Variants in PSG4 observed in about 807,000 individuals in gnomAD.
PSG4 encodes pregnancy-specific beta-1-glycoprotein 4.
In PSG4, 61 loss-of-function variants were observed where a neutral mutation model predicts 44.3. The ratio of observed to expected loss-of-function variants is 1.38; its 90% CI spans 1.12 to 1.70. The LOEUF (loss-of-function observed/expected upper bound fraction) is 1.70. PSG4 is among the 40% of genes most tolerant of loss of function. The pLI is 0.00. For missense variants in PSG4, 677 were observed against 511.7 expected (o/e 1.32, Z -3.12); for synonymous variants, 248 against 191.3 (o/e 1.30, Z -2.45).
intron 4 of PSG4, 186 bp from the exon 5 acceptor site, chr19:43,194,780 C>A: frequency 7.1e-7 from 1 of 1,412,556 alleles, no homozygotes; most frequent in Non-Finnish European, 9.5e-7. Flanking sequence ...AGTTTTAGGC[C>A]CCAAGTCTCC....
intron 3 of PSG4, among the ~76,000 whole-genome samples, chr19:43,197,093 T>G (rs1967283329): frequency 6.8e-6 from 1 of 146,096 alleles, no homozygotes; most frequent in Non-Finnish European, 1.5e-5. Context: ...TTCCTTTTGA[T>G]GTTAATGTGA....
At chr19:43,198,298 T>C (rs769849561) in intron 2 of PSG4, 23 bp from the exon 3 acceptor site, 2 of 1,573,216 alleles carry the variant, frequency 1.3e-6, no homozygotes, top group South Asian at 2.3e-5. Flanking sequence ...CAGAGAGAGG[T>C]TTGCCCTGTG....
chr19:43,193,170 C>G lies in PSG4; in HGVS notation c.*202G>C. On this transcript the variant is annotated 3_prime_UTR_variant, in exon 6 of 6. Transcript: ENST00000405312. Reference sequence around the variant, plus strand: ...CAGTGTGAAGTCATCAACTTGTTATCCTGGTTTACAGTTTGAGTAGCTGTT... The same window carrying G: ...CAGTGTGAAGTCATCAACTTGTTATGCTGGTTTACAGTTTGAGTAGCTGTT... The G allele has an allele frequency of 1.4e-6, 1 of 730,840 alleles. No individual in the cohort carries two copies. Among genetic ancestry groups the G allele is most frequent in the Non-Finnish European group, 2.5e-6 (1 of 399,238 alleles). The allele number at this position is 730,840 out of a possible 1,614,324, so 45.3% of individuals were successfully genotyped here.
intron 2 of PSG4, among the ~76,000 whole-genome samples, chr19:43,201,499 C>A (rs992534039): frequency 1.4e-5 from 2 of 145,238 alleles, no homozygotes; most frequent in Non-Finnish European, 3.0e-5. Context: ...GTTTCTCATT[C>A]TTTTGCATTC....
Position 43,203,836 on chromosome 19 carries a change from A to G in PSG4, c.430+50T>C, listed in dbSNP as rs547860205. The G allele has an allele frequency of 2.0e-5, 32 of 1,565,660 alleles. 3 individuals carry two copies. The South Asian group carries it at 3.5e-4, about 17-fold the overall frequency. On this transcript the variant is annotated intron_variant, in intron 2 of 5. Transcript: ENST00000405312. ...CCTGAGAATCCTGTGTGTGTGAAGT[A>G]GAAGTGACCCCTGTCCCCCAACACC...
intron 2 of PSG4, 61 bp from the exon 3 acceptor site, chr19:43,198,336 T>C: frequency 6.5e-7 from 1 of 1,540,616 alleles, no homozygotes; most frequent in Admixed American, 1.9e-5. Context: ...CCAAAGGCAT[T>C]TTTCAATCAG....
intron 4 of PSG4, 97 bp downstream of exon 4, chr19:43,194,898 G>A (rs534666076): frequency 3.8e-6 from 6 of 1,561,492 alleles, no homozygotes; most frequent in South Asian, 3.7e-5. Flanking sequence ...AAGTAAAGGT[G>A]TCTATACTTG....
At position 43,200,502 on chromosome 19, in the gene PSG4, A is replaced by G. The variant is rs531659674; in HGVS notation, c.431-2227T>C. 4.1e-5 allele frequency among the ~76,000 whole-genome samples: 6 copies of G among 145,152 alleles called. 1 individual carries two copies. In the East Asian group the frequency reaches 1.4e-3, roughly 34 times the overall value. On this transcript the variant is annotated intron_variant, in intron 2 of 5. Coordinates refer to ENST00000405312, the MANE Select transcript of PSG4 (RefSeq NM_002780.5). Reference sequence around the variant, plus strand: ...CAGTTTTGGAAGTTTCTATTGACACATCCTCAAGCTGGGGGTTCCTTCCTC... The same window carrying G: ...CAGTTTTGGAAGTTTCTATTGACACGTCCTCAAGCTGGGGGTTCCTTCCTC...
intron 2 of PSG4, among the ~76,000 whole-genome samples, chr19:43,201,616 G>T (rs1218065150): frequency 6.9e-6 from 1 of 144,614 alleles, no homozygotes; most frequent in Non-Finnish European, 1.5e-5. Flanking sequence ...CCCTCCGCCC[G>T]CATGATTCCA....
Position 43,200,807 on chromosome 19 carries a change from C to A in PSG4, c.431-2532G>T, listed in dbSNP as rs1233541271. Among the ~76,000 whole-genome samples, 5 of 146,112 alleles carry A rather than the reference C, an allele frequency of 3.4e-5. 1 individual carries two copies. The highest frequency in any genetic ancestry group is 7.4e-5 in the Non-Finnish European group (5 of 67,266). ...AGCCAGGATGGTCTCCATCTCCTGA[C>A]CTTGTGCCTGCCTCGGCCTCCCAAA... On this transcript the variant is annotated intron_variant, in intron 2 of 5. Coordinates refer to ENST00000405312, the MANE Select transcript of PSG4 (RefSeq NM_002780.5).
In PSG4 at chr19:43,202,338, T is replaced by C. The variant is rs371671391; in HGVS notation, c.430+1548A>G. Among the ~76,000 whole-genome samples, 32 of 140,978 alleles carry C rather than the reference T, an allele frequency of 2.3e-4. 2 individuals carry two copies. Among genetic ancestry groups the C allele is most frequent in the African/African-American group, 6.8e-4 (24 of 35,538 alleles). 92.5% of individuals were successfully genotyped at this position (140,978 alleles called of 152,430 possible). ...GGACCAAGGAGCCCAGAGAACCCTC[T>C]GGTGGCCAAAGAGCTTCAGAGTTAC... On this transcript the variant is annotated intron_variant, in intron 2 of 5. Transcript: ENST00000405312.
chr19:43,203,583 G>C lies in PSG4; in HGVS notation c.430+303C>G, dbSNP rs576570582. 44 of 396,374 alleles carry C rather than the reference G, an allele frequency of 1.1e-4. 1 individual carries two copies. The highest frequency in any genetic ancestry group is 5.2e-4 in the South Asian group (17 of 32,482). The allele number at this position is 396,374 out of a possible 1,614,324, so 24.6% of individuals were successfully genotyped here. A position where few individuals can be genotyped will look rare whatever the true frequency, so the allele number is the denominator to read the frequency against. On this transcript the variant is annotated intron_variant, in intron 2 of 5. Coordinates refer to ENST00000405312, the MANE Select transcript of PSG4 (RefSeq NM_002780.5). ...CCCTACTCAGTTCTCCAGGGTCTTT[G>C]TCAGCGTCAAATTTATGAAGAGGGC...
At chr19:43,195,402 T>G (rs1967199486) in intron 3 of PSG4, 129 bp from the exon 4 acceptor site, 16 of 1,434,242 alleles carry the variant, frequency 1.1e-5, no homozygotes, top group Admixed American at 8.2e-5. Flanking sequence ...TAGCTGGTGC[T>G]TCTGTCACAA....
At chr19:43,193,737 T>C (rs1186286341) in intron 5 of PSG4, 1 of 541,078 alleles carries the variant, frequency 1.8e-6, no homozygotes, top group Non-Finnish European at 3.3e-6. Flanking sequence ...GCAGTTCATA[T>C]TGGTTCATTC....
intron 2 of PSG4, among the ~76,000 whole-genome samples, chr19:43,200,894 G>T (rs953274003): frequency 6.8e-6 from 1 of 146,214 alleles, no homozygotes; most frequent in African/African-American, 2.6e-5. Flanking sequence ...TTAATGAGTT[G>T]TTGACTTTTT....
chr19:43,193,843 T>C, intron 5 of PSG4: 1 of 603,530 alleles, frequency 1.7e-6, no homozygotes, highest in Non-Finnish European at 3.0e-6. Context: ...AGATTGTTAC[T>C]GTACTTGTGC....
In PSG4 at chr19:43,198,345, A is replaced by G. The variant is rs139754497; in HGVS notation, c.431-70T>C. 8.4e-4 allele frequency: 1,289 copies of G among 1,532,346 alleles called. 207 individuals carry two copies. In the African/African-American group the frequency reaches 0.017, roughly 20 times the overall value. 94.9% of individuals were successfully genotyped at this position (1,532,346 alleles called of 1,614,324 possible). ...ATTCTTCCAAAGGCATTTTTCAATCAGAGTTGGCATTTCCCACCTCTCAGC... is the reference window on the plus strand; with the variant it reads ...ATTCTTCCAAAGGCATTTTTCAATCGGAGTTGGCATTTCCCACCTCTCAGC... On this transcript the variant is annotated intron_variant, in intron 2 of 5. Coordinates refer to ENST00000405312, the MANE Select transcript of PSG4 (RefSeq NM_002780.5).
rs1008926857 is a variant in PSG4, at chr19:43,198,466, T to C, written c.431-191A>G. On this transcript the variant is annotated intron_variant, in intron 2 of 5. Transcript: ENST00000405312. ...AGAGATTGTGAGGCTGCCTGCTTTA[T>C]GTGGGAGAAGCACAGACTTTCTTAG... 8 of 1,083,948 alleles carry C rather than the reference T, an allele frequency of 7.4e-6. No individual in the cohort carries two copies. In the African/African-American group the frequency reaches 1.4e-4, roughly 19 times the overall value. The allele number at this position is 1,083,948 out of a possible 1,614,324, so 67.1% of individuals were successfully genotyped here.
chr19:43,199,403 A>AAATTTG (rs1967405820), intron 2 of PSG4, among the ~76,000 whole-genome samples: 1 of 145,628 alleles, frequency 6.9e-6, no homozygotes, highest in South Asian at 2.2e-4. Context: ...GTACAGCTTC[A>AAATTTG]TGCCTATAGT....
Sources: allele counts gnomAD v4.1 joint callset (sites outside exome capture counted in the v4.1 genomes callset), GRCh38; gene constraint gnomAD v4.1.1; transcripts MANE v1.5; gene names NCBI Gene and HGNC (gene_info 2026-07-23, HGNC 2026-07-21).